Variants in STK3 observed in about 807,000 individuals in gnomAD.
STK3 encodes the protein serine/threonine-protein kinase 3.
In STK3, 41 loss-of-function variants were observed where a neutral mutation model predicts 58.0. That is an observed-to-expected ratio of 0.71 (90% CI 0.55 to 0.92). STK3 has a LOEUF of 0.92. Ranked by LOEUF, STK3 falls within the 40% of genes least tolerant of loss-of-function variation. STK3 has a pLI of 0.00. For missense variants in STK3, 479 were observed against 602.7 expected (o/e 0.79, Z 2.15); for synonymous variants, 170 against 191.0 (o/e 0.89, Z 0.91).
At chr8:98,643,883 C>T (rs1394065815) in intron 6 of STK3, among the ~76,000 whole-genome samples, 1 of 152,084 alleles carries the variant, frequency 6.6e-6, no homozygotes, top group Non-Finnish European at 1.5e-5. Context: ...ATGGCATGCA[C>T]CTGTAGTCCC....
At chr8:98,682,741 A>ATACAGGTATG (rs1823727870) in intron 6 of STK3, among the ~76,000 whole-genome samples, 4 of 152,270 alleles carry the variant, frequency 2.6e-5, no homozygotes, top group Non-Finnish European at 5.9e-5. Flanking sequence ...CTTTTTAAAA[A>ATACAGGTATG]TATCAATCGA....
At position 98,772,254 on chromosome 8, in the gene STK3, C is replaced by T. The variant is rs118028060; in HGVS notation, c.107+2485G>A. Reference sequence around the variant, plus strand: ...TGAGTATAATCAGTGATATGGTTTGCATATTTGTCTTCTCCAAATCTCATT... The same window carrying T: ...TGAGTATAATCAGTGATATGGTTTGTATATTTGTCTTCTCCAAATCTCATT... On this transcript the variant is annotated intron_variant, in intron 2 of 10. Transcript: ENST00000419617. 9.9e-5 allele frequency among the ~76,000 whole-genome samples: 15 copies of T among 152,210 alleles called. No homozygotes were observed. The East Asian group carries it at 2.9e-3, about 29-fold the overall frequency.
intron 4 of STK3, among the ~76,000 whole-genome samples, chr8:98,723,553 C>T (rs1827588416): frequency 6.6e-6 from 1 of 152,034 alleles, no homozygotes; most frequent in South Asian, 2.1e-4. Context: ...AAAATGAATT[C>T]AAGTGAGGTT....
downstream of STK3, among the ~76,000 whole-genome samples, chr8:98,401,002 T>A (rs138968184): frequency 1.3e-5 from 2 of 152,230 alleles, no homozygotes; most frequent in East Asian, 3.9e-4. Flanking sequence ...GCCTTTTGAC[T>A]GCTCCAACTG....
At chr8:98,364,827 A>T in the STK3 span, among the ~76,000 whole-genome samples, 1 of 152,182 alleles carries the variant, frequency 6.6e-6, no homozygotes, top group East Asian at 1.9e-4. Flanking sequence ...TTGGGAGGAA[A>T]GATAGCTCAC....
At chr8:98,474,818 T>C (rs1821186007) in intron 10 of STK3, among the ~76,000 whole-genome samples, 1 of 152,200 alleles carries the variant, frequency 6.6e-6, no homozygotes, top group Non-Finnish European at 1.5e-5. Flanking sequence ...TTTATCACCG[T>C]ACTGCAATCA....
rs1407851592 is a variant in STK3 at position 98,615,200 on chromosome 8, C to G, written c.685-19031G>C. 9.2e-5 allele frequency among the ~76,000 whole-genome samples: 14 copies of G among 151,828 alleles called. No homozygotes were observed. In the East Asian group the frequency reaches 2.5e-3, roughly 27 times the overall value. On this transcript the variant is annotated intron_variant, in intron 6 of 10. Transcript: ENST00000419617. Reference sequence around the variant, plus strand: ...TGGGAGGCACCCCCTAGCAGGGGCACACTGACACCTCACACGGCAGGGTAT... The same window carrying G: ...TGGGAGGCACCCCCTAGCAGGGGCAGACTGACACCTCACACGGCAGGGTAT...
chr8:98,472,316 T>C (rs1172108479), intron 10 of STK3, among the ~76,000 whole-genome samples: 1 of 152,190 alleles, frequency 6.6e-6, no homozygotes, highest in Non-Finnish European at 1.5e-5. Context: ...CAGATTAGTA[T>C]AGACACTTGC....
chr8:98,851,344 C>G (rs994681875), intron 3 of STK3, among the ~76,000 whole-genome samples: 1 of 152,128 alleles, frequency 6.6e-6, no homozygotes, highest in Non-Finnish European at 1.5e-5. Context: ...TCCTCGAGCC[C>G]ACGCTAGTAT....
chr8:98,902,406 T>A (rs193291579), intron 1 of STK3, among the ~76,000 whole-genome samples: 65 of 152,292 alleles, frequency 4.3e-4, no homozygotes, highest in African/African-American at 1.3e-3. Flanking sequence ...AACACCCCAA[T>A]ACACATTCCC....
chr8:98,816,347 C>G (rs1488761703), intron 1 of STK3, among the ~76,000 whole-genome samples: 3 of 152,134 alleles, frequency 2.0e-5, no homozygotes, highest in African/African-American at 7.2e-5. Flanking sequence ...GACCCCATGT[C>G]TACAAATACA....
chr8:98,889,496 G>A (rs868838125), intron 1 of STK3, among the ~76,000 whole-genome samples: 1 of 152,290 alleles, frequency 6.6e-6, no homozygotes, highest in Middle Eastern at 3.4e-3. Flanking sequence ...TCCCCCACCA[G>A]AAAAGCAGAA....
chr8:98,458,136 T>C (rs986162994), intron 10 of STK3, among the ~76,000 whole-genome samples: 1 of 151,424 alleles, frequency 6.6e-6, no homozygotes, highest in Non-Finnish European at 1.5e-5. Flanking sequence ...CACACACACA[T>C]GTGCACACAC....
At chr8:98,714,059 G>A (rs191070265) in intron 4 of STK3, among the ~76,000 whole-genome samples, 1 of 152,032 alleles carries the variant, frequency 6.6e-6, no homozygotes. Context: ...ATGCAGAAAA[G>A]GCCTTTGACA....
At chr8:98,469,847 G>A (rs1257437157) in intron 10 of STK3, among the ~76,000 whole-genome samples, 1 of 152,176 alleles carries the variant, frequency 6.6e-6, no homozygotes, top group Non-Finnish European at 1.5e-5. Context: ...ACAGCTATGT[G>A]GCTGCTGAAT....
intron 3 of STK3, among the ~76,000 whole-genome samples, chr8:98,857,084 GC>G (rs1836712500): frequency 1.3e-5 from 2 of 152,170 alleles, no homozygotes; most frequent in African/African-American, 4.8e-5. Context: ...AGAGCAGATA[GC>G]TAAAGAATAG....
intron 1 of STK3, among the ~76,000 whole-genome samples, chr8:98,446,027 A>AC (rs1818932855): frequency 6.6e-6 from 1 of 152,226 alleles, no homozygotes. Flanking sequence ...AGTAAGCAAG[A>AC]CAAACTACCC....
chr8:98,372,002 C>G (rs1164170432), intron 2 of STK3, among the ~76,000 whole-genome samples: 1 of 152,096 alleles, frequency 6.6e-6, no homozygotes, highest in South Asian at 2.1e-4. Flanking sequence ...GTCCTTAAAC[C>G]GAATATGACT....
chr8:98,534,823 C>A (rs1291215584), intron 9 of STK3, among the ~76,000 whole-genome samples: 2 of 152,074 alleles, frequency 1.3e-5, no homozygotes, highest in Non-Finnish European at 2.9e-5. Context: ...CATTTCTGCC[C>A]CATTTTGTAA....
Sources: gnomAD v4.1 joint callset for allele counts (sites outside exome capture counted in the v4.1 genomes callset) on GRCh38, gnomAD v4.1.1 for gene constraint, MANE v1.5 for transcripts, NCBI Gene and HGNC (gene_info 2026-07-23, HGNC 2026-07-21) for gene names.